The following ADAM9 variants were observed in gnomAD, a reference collection of about 807,000 sequenced individuals.
ADAM9 encodes the protein ADAM metallopeptidase domain 9, also known as disintegrin and metalloproteinase domain-containing protein 9.
Under a neutral mutation model 108.1 loss-of-function variants are expected in ADAM9, and 54 were observed. That is an observed-to-expected ratio of 0.50 (90% CI 0.40 to 0.63). The LOEUF is 0.63. Ranked by LOEUF, ADAM9 falls within the 20% of genes least tolerant of loss-of-function variation. The pLI, the probability that ADAM9 is intolerant of heterozygous loss-of-function variation, is 0.00. For synonymous variants in ADAM9, 316 were observed against 336.0 expected (o/e 0.94, Z 0.65); for missense variants, 830 against 997.7 (o/e 0.83, Z 2.26).
chr8:39,049,085 T>C (rs1423542943), intron 12 of ADAM9, among the ~76,000 whole-genome samples: 1 of 151,810 alleles, frequency 6.6e-6, no homozygotes, highest in Non-Finnish European at 1.5e-5. Flanking sequence ...TAATTCTTGA[T>C]AGGGAAGGAT....
chr8:39,081,485 T>C (rs1839023596), intron 16 of ADAM9, among the ~76,000 whole-genome samples: 1 of 152,204 alleles, frequency 6.6e-6, no homozygotes, highest in South Asian at 2.1e-4. Flanking sequence ...TTGGTAAATA[T>C]CTCCTCTAAA....
chr8:39,032,414 A>T (rs766085794), intron 11 of ADAM9, among the ~76,000 whole-genome samples: 14 of 152,246 alleles, frequency 9.2e-5, no homozygotes, highest in Non-Finnish European at 1.8e-4. Flanking sequence ...GCTGCCTCAC[A>T]GGTCAATCTG....
At chr8:39,015,416 ATACT>A (rs1039766816) in intron 4 of ADAM9, 30 of 152,326 alleles carry the variant, frequency 2.0e-4, no homozygotes, top group African/African-American at 7.2e-4. Context: ...ATCTTATATA[ATACT>A]TAAGTATCAT....
chr8:39,086,160 G>A (rs747375024), intron 18 of ADAM9, among the ~76,000 whole-genome samples: 6 of 149,380 alleles, frequency 4.0e-5, no homozygotes, highest in Admixed American at 1.3e-4. Context: ...GACTACAGGC[G>A]TGTGCCACCA....
chr8:39,102,109 C>G (rs1263185822), intron 21 of ADAM9, among the ~76,000 whole-genome samples, 179 bp downstream of exon 21: 1 of 152,056 alleles, frequency 6.6e-6, no homozygotes, highest in Non-Finnish European at 1.5e-5. Context: ...CATATTGGTA[C>G]AGGGTCAAAA....
intron 11 of ADAM9, among the ~76,000 whole-genome samples, chr8:39,036,574 G>T (rs1178644404): frequency 2.6e-5 from 4 of 152,166 alleles, no homozygotes; most frequent in South Asian, 2.1e-4. Context: ...AAGAGAGGAG[G>T]AGAGGCTATA....
intron 14 of ADAM9, among the ~76,000 whole-genome samples, chr8:39,059,116 A>G (rs997517951): frequency 2.4e-4 from 36 of 152,204 alleles, no homozygotes; most frequent in African/African-American, 8.0e-4. Context: ...TTCATTTGCT[A>G]TCAAGTGAAT....
At chr8:39,048,898 C>G (rs541603224) in intron 12 of ADAM9, among the ~76,000 whole-genome samples, 1 of 151,418 alleles carries the variant, frequency 6.6e-6, no homozygotes, top group Admixed American at 6.6e-5. Context: ...TACCCCTGCT[C>G]TCTGTGGTTA....
intron 12 of ADAM9, among the ~76,000 whole-genome samples, chr8:39,052,976 T>G (rs746639351): frequency 3.3e-5 from 5 of 152,216 alleles, no homozygotes; most frequent in Non-Finnish European, 7.3e-5. Context: ...TCTAATTGTT[T>G]CATATCCTGA....
At chr8:39,034,213 A>C (rs1232995283) in intron 11 of ADAM9, among the ~76,000 whole-genome samples, 4 of 152,130 alleles carry the variant, frequency 2.6e-5, no homozygotes, top group African/African-American at 9.7e-5. Context: ...TTTTTAGTAG[A>C]TACTGTTTTT....
At position 39,051,530 on chromosome 8, in the gene ADAM9, C is replaced by T. The variant is rs1395256235; in HGVS notation, c.1303-2951C>T. Among the ~76,000 whole-genome samples the T allele has an allele frequency of 2.6e-5, 4 of 152,042 alleles. No homozygotes were observed. The East Asian group carries it at 7.7e-4, about 29-fold the overall frequency. On this transcript the variant is annotated intron_variant, in intron 12 of 21. Coordinates refer to ENST00000487273, the MANE Select transcript of ADAM9 (RefSeq NM_003816.3). ...AGTAATTCTACCTTTATGTAACTAT[C>T]TTAGAGAAATATTTGTGTATATACA...
rs1294498952 is a variant in ADAM9, at chr8:39,016,977, TC to T, written c.411-239del. On this transcript the variant is annotated intron_variant, in intron 5 of 21. Transcript: ENST00000487273. The stretch of plus-strand genomic sequence containing the variant: ...CCACTATTTTGTAGTGCCTTCCATT[TC>T]CCGTAGATCACTCAGGGAGGTTAAG... 7.9e-6 allele frequency: 4 copies of T among 505,396 alleles called. No homozygotes were observed. In the Admixed American group the frequency reaches 1.3e-4, roughly 17 times the overall value. 31.3% of individuals were successfully genotyped at this position (505,396 alleles called of 1,614,324 possible). A position where few individuals can be genotyped will look rare whatever the true frequency, so the allele number is the denominator to read the frequency against.
chr8:39,075,242 A>G (rs1396377398), intron 15 of ADAM9, among the ~76,000 whole-genome samples: 1 of 152,080 alleles, frequency 6.6e-6, no homozygotes, highest in Non-Finnish European at 1.5e-5. Context: ...CAGGTTAAAT[A>G]TTTTTGGCGA....
chr8:39,025,973 A>G, intron 10 of ADAM9, 89 bp downstream of exon 10: 3 of 1,346,572 alleles, frequency 2.2e-6, no homozygotes, highest in South Asian at 2.3e-5. Context: ...CCTGGTCCTT[A>G]AAACAATATT....
At chr8:39,003,628 T>C (rs1836073504) in intron 1 of ADAM9, among the ~76,000 whole-genome samples, 1 of 152,180 alleles carries the variant, frequency 6.6e-6, no homozygotes, top group Admixed American at 6.5e-5. Context: ...ACAATTAGTA[T>C]GTATTATTTT....
intron 4 of ADAM9, chr8:39,015,826 T>C (rs996309745): frequency 1.9e-5 from 6 of 323,804 alleles, no homozygotes; most frequent in East Asian, 1.2e-4. Context: ...TTAAAGATGA[T>C]ATAATGCATC....
intron 1 of ADAM9, among the ~76,000 whole-genome samples, chr8:39,005,973 A>G (rs1836148692): frequency 6.6e-6 from 1 of 152,228 alleles, no homozygotes; most frequent in South Asian, 2.1e-4. Context: ...TGCACAGTTA[A>G]ATACAGGTAT....
chr8:39,087,880 A>G (rs886170647), intron 18 of ADAM9, among the ~76,000 whole-genome samples: 1 of 152,224 alleles, frequency 6.6e-6, no homozygotes, highest in Non-Finnish European at 1.5e-5. Flanking sequence ...CCAAAACTTA[A>G]CTACGAATAG....
chr8:39,064,925 C>A (rs1030883022), intron 14 of ADAM9, among the ~76,000 whole-genome samples: 3 of 152,132 alleles, frequency 2.0e-5, no homozygotes, highest in Middle Eastern at 3.2e-3. Flanking sequence ...ATTTTTATAC[C>A]TAGCTTTTCC....
Sources: allele counts gnomAD v4.1 joint callset (sites outside exome capture counted in the v4.1 genomes callset), GRCh38; gene constraint gnomAD v4.1.1; transcripts MANE v1.5; gene names NCBI Gene and HGNC (gene_info 2026-07-23, HGNC 2026-07-21).